The following PIGP variants were observed in gnomAD, a reference collection of about 807,000 sequenced individuals.
PIGP encodes the protein phosphatidylinositol glycan anchor biosynthesis class P.
A neutral mutation model predicts 16.9 loss-of-function variants in PIGP; 12 were observed. The observed-to-expected ratio is 0.71, with a 90% CI of 0.46 to 1.15. The LOEUF is 1.15. Among genes scored for constraint, PIGP ranks in the 50% most tolerant of loss-of-function variants. PIGP has a pLI of 0.00. For missense variants in PIGP, 159 were observed against 153.5 expected, an observed-to-expected ratio of 1.04 and a Z score of -0.19; for synonymous variants, 57 against 54.7, an observed-to-expected ratio of 1.04 and a Z score of -0.18.
chr21:37,072,619 G>A, intron 1 of PIGP, 82 bp from the exon 2 acceptor site: 2 of 1,602,656 alleles, frequency 1.2e-6, no homozygotes, highest in Non-Finnish European at 1.7e-6. Flanking sequence ...CTCCGCCGCG[G>A]GTACGGCCCC....
At chr21:37,069,406 G>T in intron 3 of PIGP, 146 bp downstream of exon 3, 2 of 480,374 alleles carry the variant, frequency 4.2e-6, no homozygotes, top group South Asian at 4.5e-5. Context: ...TATCAATAGC[G>T]ATCTTTAAAA....
chr21:37,070,293 A>C (rs920333458), intron 2 of PIGP, among the ~76,000 whole-genome samples: 5 of 152,202 alleles, frequency 3.3e-5, no homozygotes, highest in Non-Finnish European at 7.3e-5. Flanking sequence ...GGCAAAGATA[A>C]ATTTTAACTA....
rs1466858133 is a variant in PIGP, at chr21:37,072,571, G to A, written c.-22-34C>T. On this transcript the variant is annotated intron_variant, in intron 1 of 4. Coordinates refer to ENST00000360525, the MANE Select transcript of PIGP (RefSeq NM_153682.3). ...AAGGAACACAATCAGCGTCAGCGAT[G>A]TGCTCCGTGGCACCATTGATCCATT... The A allele has an allele frequency of 1.9e-6, 3 of 1,614,070 alleles. No individual in the cohort carries two copies. Among genetic ancestry groups the A allele is most frequent in the Admixed American group, 3.3e-5 (2 of 60,016 alleles).
chr21:37,067,440 A>C lies in PIGP; in HGVS notation c.156-60T>G, dbSNP rs1309505269. 3 of 924,890 alleles carry C rather than the reference A, an allele frequency of 3.2e-6. No homozygotes were observed. The African/African-American group carries it at 5.0e-5, about 15-fold the overall frequency. 57.3% of individuals were successfully genotyped at this position (924,890 alleles called of 1,614,324 possible). ...CTTTAAAAAAGTTGTAATTCTCAAGAGTCGGTCACAAAGCCAACATGTTTT... is the reference window on the plus strand; with the variant it reads ...CTTTAAAAAAGTTGTAATTCTCAAGCGTCGGTCACAAAGCCAACATGTTTT... On this transcript the variant is annotated intron_variant, in intron 3 of 4. Coordinates refer to ENST00000360525, the MANE Select transcript of PIGP (RefSeq NM_153682.3).
At position 37,069,600 on chromosome 21, in the gene PIGP, A is replaced by G; in HGVS notation, c.107T>C (p.Ile36Thr). ...TAAAGAGTTTAGCCAAGATTCAGGA[A>G]TAAAGGCCCACACGAGGTAAAGTAC... ...GFILYLVWAF[I>T]PESWLNSLGL... The change falls in exon 3 of 5, where the codon ATT (isoleucine) becomes ACT (threonine). Residue 36 changes from isoleucine to threonine, a missense_variant. Physicochemically the swap from Ile to Thr is moderately conservative, Grantham distance 89. Transcript: ENST00000360525. 1 of 1,570,378 alleles carries G rather than the reference A, an allele frequency of 6.4e-7. No homozygotes were observed. The highest frequency in any genetic ancestry group is 8.7e-7 in the Non-Finnish European group (1 of 1,154,748).
At chr21:37,069,824 C>CT (rs895427265) in intron 2 of PIGP, among the ~76,000 whole-genome samples, 200 bp from the exon 3 acceptor site, 24 of 151,296 alleles carry the variant, frequency 1.6e-4, no homozygotes, top group East Asian at 9.7e-4. Context: ...CTGTATTAGT[C>CT]TTTTTTTTTA....
At chr21:37,067,010 G>C (rs1283026812) in intron 4 of PIGP, among the ~76,000 whole-genome samples, 1 of 113,408 alleles carries the variant, frequency 8.8e-6, no homozygotes, top group Non-Finnish European at 2.0e-5. Context: ...GTGTGTGTGT[G>C]TGTGTTTTCT....
intron 3 of PIGP, chr21:37,069,118 A>G (rs1466708101): frequency 6.5e-6 from 1 of 153,810 alleles, no homozygotes; most frequent in African/African-American, 2.4e-5. Flanking sequence ...TGGTACCCCA[A>G]TGTCTGAGCT....
chr21:37,068,973 A>G (rs1569297621), intron 3 of PIGP, among the ~76,000 whole-genome samples: 1 of 152,206 alleles, frequency 6.6e-6, no homozygotes, highest in Non-Finnish European at 1.5e-5. Context: ...CTTGCCAGAG[A>G]GTAAAACTCC....
intron 4 of PIGP, 101 bp downstream of exon 4, chr21:37,067,161 C>T (rs1569296986): frequency 8.4e-6 from 6 of 712,290 alleles, no homozygotes; most frequent in Non-Finnish European, 1.5e-5. Context: ...CGCGCACCAC[C>T]AACATGGGTT....
chr21:37,070,842 A>C lies in PIGP; in HGVS notation c.83-1218T>G, dbSNP rs576008016. On this transcript the variant is annotated intron_variant, in intron 2 of 4. Transcript: ENST00000360525. ...CAAAAGTGCAATCTCAGCTCACGGC[A>C]ACCTCCGCCTCCCGGGTTCAAGCGA... 3.3e-5 allele frequency among the ~76,000 whole-genome samples: 5 copies of C among 152,318 alleles called. No homozygotes were observed. The East Asian group carries it at 9.6e-4, about 29-fold the overall frequency.
chr21:37,066,865 C>T (rs1400526922), intron 4 of PIGP, among the ~76,000 whole-genome samples: 3 of 152,150 alleles, frequency 2.0e-5, no homozygotes, highest in African/African-American at 7.2e-5. Flanking sequence ...TTATTTCCTC[C>T]ATGAATATAG....
intron 4 of PIGP, 80 bp downstream of exon 4, chr21:37,067,182 T>C: frequency 1.2e-6 from 1 of 832,030 alleles, no homozygotes; most frequent in Non-Finnish European, 2.0e-6. Context: ...TTGCAGCCTG[T>C]TCTTTGTTGC....
intron 4 of PIGP, 24 bp downstream of exon 4, chr21:37,067,238 C>A: frequency 7.7e-7 from 1 of 1,305,336 alleles, no homozygotes; most frequent in Non-Finnish European, 1.1e-6. Context: ...ATTGCCCCAG[C>A]ACTTTCCTTT....
chr21:37,071,145 G>T (rs2069998631), intron 2 of PIGP, among the ~76,000 whole-genome samples: 1 of 152,194 alleles, frequency 6.6e-6, no homozygotes, highest in African/African-American at 2.4e-5. Flanking sequence ...ATTTACAAAA[G>T]TGCTAACAAT....
chr21:37,072,239 T>C, intron 2 of PIGP, 195 bp downstream of exon 2: 11 of 1,612,056 alleles, frequency 6.8e-6, no homozygotes, highest in Non-Finnish European at 9.3e-6. Flanking sequence ...TAAATATTTG[T>C]AGAGACTAAA....
chr21:37,065,674 C>G lies in PIGP; in HGVS notation c.313G>C (p.Glu105Gln), dbSNP rs1569296526. The G allele has an allele frequency of 6.2e-7, 1 of 1,613,440 alleles. No homozygotes were observed. Among genetic ancestry groups the G allele is most frequent in the Admixed American group, 1.7e-5 (1 of 59,954 alleles). ...TCTCTTAAGGCTGGAATGGCCTCCT[C>G]TTGGTATTTCTTCTGCTGTTGATTT... is the stretch of plus-strand genomic sequence containing the variant. ...AKNQQQKKYQ[E>Q]EAIPALRDIS... Residue 105 changes from glutamate (E) to glutamine (Q), a missense_variant, in exon 5 of 5, where the codon GAG (glutamate) becomes CAG (glutamine). By Grantham distance (29) the Glu-to-Gln change is conservative. Coordinates refer to ENST00000360525, the MANE Select transcript of PIGP (RefSeq NM_153682.3).
chr21:37,072,886 G>C (rs969551232), intron 1 of PIGP, 114 bp downstream of exon 1: 3 of 390,496 alleles, frequency 7.7e-6, no homozygotes, highest in African/African-American at 6.5e-5. Flanking sequence ...CCCAGGCCCC[G>C]GGCCCTGCCC....
chr21:37,066,247 T>C (rs981396780), intron 4 of PIGP, among the ~76,000 whole-genome samples: 40 of 152,178 alleles, frequency 2.6e-4, no homozygotes, highest in African/African-American at 8.4e-4. Context: ...GGAACAGAAT[T>C]ATATCCAGGC....
Sources: gnomAD v4.1 joint callset for allele counts (sites outside exome capture counted in the v4.1 genomes callset) on GRCh38, gnomAD v4.1.1 for gene constraint, MANE v1.5 for transcripts, NCBI Gene and HGNC (gene_info 2026-07-23, HGNC 2026-07-21) for gene names.